The following ERCC4 variants were observed in gnomAD, a reference collection of about 807,000 sequenced individuals.
ERCC4 encodes the protein DNA repair endonuclease XPF.
Under a neutral mutation model 76.9 loss-of-function variants are expected in ERCC4, and 65 were observed. The observed-to-expected ratio is 0.84, with a 90% CI of 0.69 to 1.04. ERCC4 has a LOEUF of 1.04. Ranked by LOEUF, ERCC4 falls within the 50% of genes least tolerant of loss-of-function variation. ERCC4 has a pLI of 0.00. For synonymous variants in ERCC4, 463 were observed against 410.1 expected, an observed-to-expected ratio of 1.13 and a Z score of -1.56; for missense variants, 1,214 against 1,128.2, an observed-to-expected ratio of 1.08 and a Z score of -1.09.
chr16:13,920,848 G>A (rs2031959849), intron 1 of ERCC4, among the ~76,000 whole-genome samples: 1 of 152,056 alleles, frequency 6.6e-6, no homozygotes, highest in Admixed American at 6.6e-5. Context: ...AATGATGGAA[G>A]GGGTCCCGAG....
chr16:13,925,552 T>A (rs1045913579), intron 2 of ERCC4, among the ~76,000 whole-genome samples: 2 of 152,102 alleles, frequency 1.3e-5, no homozygotes, highest in African/African-American at 4.8e-5. Flanking sequence ...ATCCAAAACT[T>A]AAACATTAAA....
At chr16:13,922,445 T>A in intron 2 of ERCC4, 1 of 758,938 alleles carries the variant, frequency 1.3e-6, no homozygotes, top group Admixed American at 1.7e-5. Context: ...TTGTTGTGAA[T>A]TGCACAACTC....
chr16:13,926,642 A>T lies in ERCC4; in HGVS notation c.470A>T (p.Lys157Ile), dbSNP rs770535929. The T allele has an allele frequency of 1.9e-6, 3 of 1,614,184 alleles. No homozygotes were observed. Residue 157 changes from lysine (K) to isoleucine (I), a missense_variant, in exon 3 of 11, where the codon AAA becomes ATA. By Grantham distance (102) the Lys-to-Ile change is moderately radical. Transcript: ENST00000311895. The stretch of plus-strand genomic sequence containing the variant: ...TTGCGCCTCTTTCGCCAGAAAAACA[A>T]ACGTGGTTTTATTAAAGCTTTCACA... ...FILRLFRQKN[K>I]RGFIKAFTDN...
intron 8 of ERCC4, among the ~76,000 whole-genome samples, chr16:13,936,363 A>C (rs1347557288): frequency 6.6e-6 from 1 of 152,252 alleles, no homozygotes; most frequent in East Asian, 1.9e-4. Flanking sequence ...AACGGAGCCA[A>C]AAGAAACCTT....
chr16:13,932,035 C>A lies in ERCC4; in HGVS notation c.974-122C>A, dbSNP rs3136120. 7,020 of 841,572 alleles carry A rather than the reference C, an allele frequency of 8.3e-3. 307 individuals carry two copies. The African/African-American group carries it at 0.1, about 12-fold the overall frequency. 52.1% of individuals were successfully genotyped at this position (841,572 alleles called of 1,614,324 possible). On this transcript the variant is annotated intron_variant, in intron 5 of 10. Coordinates refer to ENST00000311895, the MANE Select transcript of ERCC4 (RefSeq NM_005236.3). ...AGCGACAGATCACAGTAGTGGGAGG[C>A]GGTGTGGTTGGTAGGAAGACAGGAT...
In ERCC4 at chr16:13,950,789, T is replaced by G. The variant is rs565128975; in HGVS notation, c.*2442T>G. Reference sequence around the variant, plus strand: ...AAAAGGAACATCTTCCCATAGCATATTCTATGAAAGGGGTTTCATTCCAAG... The same window carrying G: ...AAAAGGAACATCTTCCCATAGCATAGTCTATGAAAGGGGTTTCATTCCAAG... On this transcript the variant is annotated 3_prime_UTR_variant, in exon 11 of 11. Transcript: ENST00000311895. 37 of 194,038 alleles carry G rather than the reference T, an allele frequency of 1.9e-4. No homozygotes were observed. The highest frequency in any genetic ancestry group is 8.3e-4 in the African/African-American group (36 of 43,320). 12.0% of individuals were successfully genotyped at this position (194,038 alleles called of 1,614,324 possible).
chr16:13,942,579 A>G (rs2032433707), intron 9 of ERCC4, among the ~76,000 whole-genome samples: 2 of 152,242 alleles, frequency 1.3e-5, no homozygotes, highest in African/African-American at 2.4e-5. Context: ...TGTAATCCTC[A>G]TAACAGTCTT....
intron 2 of ERCC4, chr16:13,922,518 A>G: frequency 1.4e-6 from 1 of 740,366 alleles, no homozygotes; most frequent in South Asian, 1.4e-5. Context: ...TGCTCGCTTC[A>G]GAAATGTCCC....
intron 2 of ERCC4, among the ~76,000 whole-genome samples, chr16:13,923,823 C>T (rs2087794246): frequency 1.3e-5 from 2 of 152,150 alleles, no homozygotes; most frequent in Non-Finnish European, 2.9e-5. Context: ...TTGCTGCTTT[C>T]TTATAAGCTT....
In ERCC4 at chr16:13,930,691, A is replaced by G; in HGVS notation, c.793-19A>G. On this transcript the variant is annotated intron_variant, in intron 4 of 10. Coordinates refer to ENST00000311895, the MANE Select transcript of ERCC4 (RefSeq NM_005236.3). ...TACTTAACATATTTTAGCAATACCA[A>G]ATTTTATTCTTGTTTTAGACAATCC... is the stretch of plus-strand genomic sequence containing the variant. 1.2e-6 allele frequency: 2 copies of G among 1,602,532 alleles called. No individual in the cohort carries two copies. Among genetic ancestry groups the G allele is most frequent in the African/African-American group, 1.3e-5 (1 of 74,804 alleles).
rs751690965 is a variant in ERCC4, at chr16:13,932,293, G to C, written c.1102+8G>C. ...AAATTAAAGAAGGGGAAGGTATCTT[G>C]TGGGGTTAAGTCTTTAAATGTGTTT... is the stretch of plus-strand genomic sequence containing the variant. On this transcript the variant is annotated splice_region_variant and intron_variant, in intron 6 of 10. Transcript: ENST00000311895. The C allele has an allele frequency of 6.2e-7, 1 of 1,606,996 alleles. No homozygotes were observed. Among genetic ancestry groups the C allele is most frequent in the East Asian group, 2.2e-5 (1 of 44,840 alleles).
chr16:13,934,314 G>A lies in ERCC4; in HGVS notation c.1213+12G>A. ...TCTTGGTGGTCCAGGTAGGAAAAAA[G>A]GAGATGAAAACATTTGCTTCCAAAA... On this transcript the variant is annotated intron_variant, in intron 7 of 10. Transcript: ENST00000311895. 1.3e-6 allele frequency: 2 copies of A among 1,561,540 alleles called. No individual in the cohort carries two copies. The highest frequency in any genetic ancestry group is 1.8e-6 in the Non-Finnish European group (2 of 1,132,924).
At position 13,935,579 on chromosome 16, in the gene ERCC4, A is replaced by C. The variant is rs886051665; in HGVS notation, c.1647A>C (p.Glu549Asp). 4.3e-6 allele frequency: 7 copies of C among 1,613,914 alleles called. No individual in the cohort carries two copies. Among genetic ancestry groups the C allele is most frequent in the Non-Finnish European group, 5.9e-6 (7 of 1,180,012 alleles). Residue 549 changes from glutamate (E) to aspartate (D), a missense_variant, in exon 8 of 11, where the codon GAA becomes GAC. Transcript: ENST00000311895. ...ATGCTGCTTTCGGAATCCTGAAAGAACCCCTCACTATCATCCATCCGCTTC... is the reference window on the plus strand; with the variant it reads ...ATGCTGCTTTCGGAATCCTGAAAGACCCCCTCACTATCATCCATCCGCTTC... ...SSDAAFGILKEPLTIIHPLLG... is the reference protein window; with the variant it reads ...SSDAAFGILKDPLTIIHPLLG...
chr16:13,930,645 G>A (rs1204235396), intron 4 of ERCC4, 65 bp from the exon 5 acceptor site: 3 of 1,161,720 alleles, frequency 2.6e-6, no homozygotes, highest in Non-Finnish European at 3.8e-6. Context: ...TTGAAAGTAT[G>A]ATTTGTATTA....
intron 7 of ERCC4, 113 bp from the exon 8 acceptor site, chr16:13,935,033 C>T: frequency 1.2e-6 from 1 of 841,142 alleles, no homozygotes; most frequent in South Asian, 1.3e-5. Flanking sequence ...AATTGTGGAT[C>T]TTTAATACCA....
chr16:13,934,142 T>G, intron 6 of ERCC4, 50 bp from the exon 7 acceptor site: 4 of 1,255,392 alleles, frequency 3.2e-6, no homozygotes, highest in Non-Finnish European at 3.5e-6. Flanking sequence ...TTGGAAGACT[T>G]TATGGGTAAA....
At position 13,948,613 on chromosome 16, in the gene ERCC4, G is replaced by A. The variant is rs1428366693; in HGVS notation, c.*266G>A. On this transcript the variant is annotated 3_prime_UTR_variant, in exon 11 of 11. Transcript: ENST00000311895. ...TTTAAATGAGGTTTGTCAGGATCAG[G>A]TAAAGTTCCTACAAGTGATTACAGA... 2 of 466,844 alleles carry A rather than the reference G, an allele frequency of 4.3e-6. No homozygotes were observed. The highest frequency in any genetic ancestry group is 7.8e-6 in the Non-Finnish European group (2 of 255,082). 28.9% of individuals were successfully genotyped at this position (466,844 alleles called of 1,614,324 possible).
rs1158012709 is a variant in ERCC4, at chr16:13,948,593, A to AT, written c.*247dup. The AT allele has an allele frequency of 2.0e-5, 10 of 510,366 alleles. No homozygotes were observed. In the Admixed American group the frequency reaches 2.6e-4, roughly 13 times the overall value. The allele number at this position is 510,366 out of a possible 1,614,324, so 31.6% of individuals were successfully genotyped here. The stretch of plus-strand genomic sequence containing the variant: ...CCGGGCTTAGCATGTTTCTTTTTAA[A>AT]TGAGGTTTGTCAGGATCAGGTAAAG... On this transcript the variant is annotated 3_prime_UTR_variant, in exon 11 of 11. Transcript: ENST00000311895.
intron 2 of ERCC4, among the ~76,000 whole-genome samples, chr16:13,925,619 A>G (rs566352668): frequency 6.6e-6 from 1 of 152,350 alleles, no homozygotes; most frequent in South Asian, 2.1e-4. Flanking sequence ...AATCACTGTT[A>G]GTATTATTGT....
Sources: gnomAD v4.1 joint callset for allele counts (sites outside exome capture counted in the v4.1 genomes callset) on GRCh38, gnomAD v4.1.1 for gene constraint, MANE v1.5 for transcripts, NCBI Gene and HGNC (gene_info 2026-07-23, HGNC 2026-07-21) for gene names.